Variants in SH2D4B observed in about 807,000 individuals in gnomAD.
SH2D4B encodes the protein SH2 domain containing 4B.
SH2D4B carries 45 observed loss-of-function variants against 61.5 expected under a neutral mutation model. The ratio of observed to expected loss-of-function variants is 0.73; its 90% CI spans 0.58 to 0.94. The LOEUF is 0.94. Ranked by LOEUF, SH2D4B falls within the 40% of genes least tolerant of loss-of-function variation. The pLI is 0.00. For synonymous variants in SH2D4B, 224 were observed against 220.4 expected, an observed-to-expected ratio of 1.02 and a Z score of -0.14; for missense variants, 572 against 574.2, an observed-to-expected ratio of 1.00 and a Z score of 0.04.
chr10:80,560,178 G>A (rs1319540387), intron 1 of SH2D4B, among the ~76,000 whole-genome samples: 1 of 151,256 alleles, frequency 6.6e-6, no homozygotes, highest in Non-Finnish European at 1.5e-5. Context: ...TAGTAGAGAC[G>A]GGGTTTCACC....
chr10:80,574,705 A>G (rs748059189), intron 3 of SH2D4B, among the ~76,000 whole-genome samples: 3 of 151,740 alleles, frequency 2.0e-5, no homozygotes, highest in Non-Finnish European at 4.4e-5. Context: ...TTAATTAATT[A>G]ATTAATTTGT....
chr10:80,586,975 C>T (rs954335934), intron 3 of SH2D4B, among the ~76,000 whole-genome samples: 6 of 152,118 alleles, frequency 3.9e-5, no homozygotes, highest in African/African-American at 1.2e-4. Context: ...AGCGAGACCA[C>T]GAACCCACCA....
At position 80,550,386 on chromosome 10, in the gene SH2D4B, G is replaced by A. The variant is rs988563330; in HGVS notation, c.184+11871G>A. Among the ~76,000 whole-genome samples the A allele has an allele frequency of 2.6e-4, 40 of 152,128 alleles. 1 individual carries two copies. The highest frequency in any genetic ancestry group is 5.6e-4 in the Non-Finnish European group (38 of 68,020). ...AGGTGGGCGGATCACGAGGTCAGGA[G>A]ATCGAGACCATCCTGGCTAACATGG... On this transcript the variant is annotated intron_variant, in intron 1 of 7. Coordinates refer to ENST00000646907, the MANE Select transcript of SH2D4B (RefSeq NM_001388272.1).
chr10:80,605,041 C>A (rs1842501830), intron 5 of SH2D4B, among the ~76,000 whole-genome samples: 1 of 152,214 alleles, frequency 6.6e-6, no homozygotes, highest in African/African-American at 2.4e-5. Flanking sequence ...GATCTGCCCA[C>A]CTCGGCCTCC....
At chr10:80,596,538 A>G (rs1842387478) in intron 4 of SH2D4B, among the ~76,000 whole-genome samples, 1 of 152,166 alleles carries the variant, frequency 6.6e-6, no homozygotes, top group Admixed American at 6.5e-5. Flanking sequence ...CAGCTTAGGT[A>G]TCTCCAAAAG....
chr10:80,575,631 A>G (rs1300563560), intron 3 of SH2D4B, among the ~76,000 whole-genome samples: 1 of 152,120 alleles, frequency 6.6e-6, no homozygotes, highest in East Asian at 1.9e-4. Flanking sequence ...ATACTAAAAA[A>G]TACAAAAATT....
At chr10:80,642,785 G>A (rs1451494512) in intron 7 of SH2D4B, among the ~76,000 whole-genome samples, 1 of 152,158 alleles carries the variant, frequency 6.6e-6, no homozygotes, top group Non-Finnish European at 1.5e-5. Context: ...GATGGGTCCT[G>A]GAACTGGAAT....
At position 80,646,469 on chromosome 10, in the gene SH2D4B, G is replaced by T. The variant is rs1239211518; in HGVS notation, c.*2384G>T. 6.6e-6 allele frequency: 1 copy of T among 152,108 alleles called. No homozygotes were observed. The highest frequency in any genetic ancestry group is 2.4e-5 in the African/African-American group (1 of 41,426). The allele number at this position is 152,108 out of a possible 1,614,324, so 9.4% of individuals were successfully genotyped here. The stretch of plus-strand genomic sequence containing the variant: ...TACCTGGCTTTAAAATAAATCCCTT[G>T]TAAGTTGTCCTGCAAATGAAATTAC... On this transcript the variant is annotated 3_prime_UTR_variant, in exon 8 of 8. Coordinates refer to ENST00000646907, the MANE Select transcript of SH2D4B (RefSeq NM_001388272.1).
rs144999593 is a variant in SH2D4B, at chr10:80,627,445, C to T, written c.989-6840C>T. ...CCCTCCCTCCAGCCACAAAGAGCCA[C>T]TTGCTAATGACTTTTGCAATCTTCC... is the stretch of plus-strand genomic sequence containing the variant. On this transcript the variant is annotated intron_variant, in intron 6 of 7. Transcript: ENST00000646907. Among the ~76,000 whole-genome samples, 10 of 152,238 alleles carry T rather than the reference C, an allele frequency of 6.6e-5. No individual in the cohort carries two copies. The East Asian group carries it at 1.9e-3, about 30-fold the overall frequency.
chr10:80,623,790 C>T (rs1478304716), intron 6 of SH2D4B, among the ~76,000 whole-genome samples: 1 of 152,212 alleles, frequency 6.6e-6, no homozygotes, highest in Non-Finnish European at 1.5e-5. Flanking sequence ...TAGATGCATG[C>T]TGTGTGTGGC....
chr10:80,580,705 T>C (rs12265331), intron 3 of SH2D4B, among the ~76,000 whole-genome samples: 12,714 of 152,250 alleles, frequency 0.084, 568 homozygotes, highest in African/African-American at 0.12. Flanking sequence ...TTTCACTTTC[T>C]AGAAAAGGCA....
intron 1 of SH2D4B, among the ~76,000 whole-genome samples, chr10:80,555,027 A>AG (rs1841812784): frequency 6.9e-6 from 1 of 145,388 alleles, no homozygotes; most frequent in Admixed American, 6.9e-5. Context: ...AAAAAAAAAA[A>AG]TCCATGAAAT....
intron 4 of SH2D4B, among the ~76,000 whole-genome samples, chr10:80,592,558 T>G (rs1017039927): frequency 6.6e-6 from 1 of 152,212 alleles, no homozygotes; most frequent in Admixed American, 6.5e-5. Flanking sequence ...TTGTGTGAGG[T>G]AGGGTTCCTA....
chr10:80,610,355 G>C (rs1842581893), intron 6 of SH2D4B, among the ~76,000 whole-genome samples: 1 of 152,142 alleles, frequency 6.6e-6, no homozygotes, highest in South Asian at 2.1e-4. Flanking sequence ...AGCCTGTGAG[G>C]TTAAGGAGCT....
chr10:80,620,050 C>T (rs1842700854), intron 6 of SH2D4B, among the ~76,000 whole-genome samples: 1 of 152,220 alleles, frequency 6.6e-6, no homozygotes, highest in Admixed American at 6.5e-5. Context: ...CTTCAGTAGG[C>T]TTTGTGGCAG....
intron 6 of SH2D4B, among the ~76,000 whole-genome samples, chr10:80,633,470 A>T (rs1214549098): frequency 6.6e-6 from 1 of 152,192 alleles, no homozygotes; most frequent in Non-Finnish European, 1.5e-5. Flanking sequence ...TGGAAATTCC[A>T]TAGCCAGGTT....
rs1841710104 is a variant in SH2D4B, at chr10:80,548,435, A to G, written c.184+9920A>G. Among the ~76,000 whole-genome samples, 3 of 152,102 alleles carry G rather than the reference A, an allele frequency of 2.0e-5. No homozygotes were observed. In the South Asian group the frequency reaches 6.2e-4, roughly 32 times the overall value. On this transcript the variant is annotated intron_variant, in intron 1 of 7. Coordinates refer to ENST00000646907, the MANE Select transcript of SH2D4B (RefSeq NM_001388272.1). ...CACCTCGGCCTCCCAAAGTGCTGGG[A>G]TTACAGGTGTGAGCCACCGCGTCCA...
chr10:80,621,337 C>T (rs1447749203), intron 6 of SH2D4B, among the ~76,000 whole-genome samples: 2 of 152,218 alleles, frequency 1.3e-5, no homozygotes, highest in Non-Finnish European at 2.9e-5. Context: ...TCTACATCTC[C>T]TTCAGACTTA....
chr10:80,586,883 C>A (rs183825335), intron 3 of SH2D4B, among the ~76,000 whole-genome samples: 1 of 152,096 alleles, frequency 6.6e-6, no homozygotes, highest in African/African-American at 2.4e-5. Flanking sequence ...ACGAACCCAC[C>A]GGGAGGAACG....
Sources: allele counts gnomAD v4.1 joint callset (sites outside exome capture counted in the v4.1 genomes callset), GRCh38; gene constraint gnomAD v4.1.1; transcripts MANE v1.5; gene names NCBI Gene and HGNC (gene_info 2026-07-23, HGNC 2026-07-21).